TMEM132D: variants seen among roughly 807,000 people sequenced by gnomAD.
TMEM132D encodes mature OL transmembrane protein.
TMEM132D carries 21 observed loss-of-function variants against 62.3 expected under a neutral mutation model. That is an observed-to-expected ratio of 0.34 (90% CI 0.24 to 0.49). TMEM132D has a LOEUF of 0.49. TMEM132D is among the 20% of genes least tolerant of loss of function. The probability of loss-of-function intolerance (pLI) is 0.99; values close to 1 mark genes in which losing one functional copy is unlikely to be tolerated. For missense variants in TMEM132D, 1,346 were observed against 1,402.8 expected (o/e 0.96, Z 0.65); for synonymous variants, 621 against 575.6 (o/e 1.08, Z -1.13).
chr12:129,361,954 T>C (rs1285105243), intron 3 of TMEM132D, among the ~76,000 whole-genome samples: 1 of 152,200 alleles, frequency 6.6e-6, no homozygotes, highest in African/African-American at 2.4e-5. Flanking sequence ...TAGATTACTT[T>C]TTCAAAATCA....
At chr12:129,122,446 TTGC>T (rs1272145469) in intron 5 of TMEM132D, among the ~76,000 whole-genome samples, 2 of 152,192 alleles carry the variant, frequency 1.3e-5, no homozygotes, top group Admixed American at 6.5e-5. Context: ...ACCTGTGAAT[TTGC>T]TGCTAGACAC....
chr12:129,595,871 T>C (rs1415306470), intron 2 of TMEM132D, among the ~76,000 whole-genome samples: 2 of 152,214 alleles, frequency 1.3e-5, no homozygotes, highest in East Asian at 3.9e-4. Flanking sequence ...CCATATGAGC[T>C]AGAGAAATGC....
intron 3 of TMEM132D, among the ~76,000 whole-genome samples, chr12:129,406,363 G>C (rs1414387046): frequency 6.6e-6 from 1 of 152,230 alleles, no homozygotes; most frequent in African/African-American, 2.4e-5. Flanking sequence ...GCTTACGCCT[G>C]TAATCCCACC....
intron 5 of TMEM132D, among the ~76,000 whole-genome samples, chr12:129,195,036 A>T (rs546166492): frequency 6.6e-6 from 1 of 152,230 alleles, no homozygotes; most frequent in Non-Finnish European, 1.5e-5. Flanking sequence ...ACCCTTGTAG[A>T]GGTGGACAAT....
intron 2 of TMEM132D, among the ~76,000 whole-genome samples, chr12:129,636,737 T>TGTGTGTGTGTGTGTGTGAGA (rs375868329): frequency 4.6e-4 from 52 of 113,634 alleles, no homozygotes; most frequent in Admixed American, 9.9e-4. Context: ...TGTGTGTGTG[T>TGTGTGTGTGTGTGTGTGAGA]GAGAGAGAGA....
At chr12:129,437,656 C>T (rs1268907875) in intron 3 of TMEM132D, among the ~76,000 whole-genome samples, 1 of 152,020 alleles carries the variant, frequency 6.6e-6, no homozygotes, top group Non-Finnish European at 1.5e-5. Flanking sequence ...AGTACTAAAG[C>T]TAAACATCCC....
At chr12:129,568,931 G>A (rs552958234) in intron 2 of TMEM132D, among the ~76,000 whole-genome samples, 1 of 152,250 alleles carries the variant, frequency 6.6e-6, no homozygotes, top group Admixed American at 6.5e-5. Context: ...GCATCCATAA[G>A]AGTCACCTGG....
At chr12:129,575,581 C>T (rs866715544) in intron 2 of TMEM132D, among the ~76,000 whole-genome samples, 10 of 151,814 alleles carry the variant, frequency 6.6e-5, no homozygotes, top group South Asian at 2.1e-4. Context: ...TGCTAAAATC[C>T]GTAAATGCCA....
chr12:129,709,178 T>C lies in TMEM132D; in HGVS notation c.80-8480A>G, dbSNP rs575877053. ...CTCATATGGAACTCAAGAAGAATCA[T>C]GGTCGGGGTCAAATTTCTGGGAGAT... On this transcript the variant is annotated intron_variant, in intron 1 of 8. Coordinates refer to ENST00000422113, the MANE Select transcript of TMEM132D (RefSeq NM_133448.3). Among the ~76,000 whole-genome samples the C allele has an allele frequency of 5.3e-5, 8 of 152,282 alleles. No homozygotes were observed. The South Asian group carries it at 1.7e-3, about 32-fold the overall frequency.
chr12:129,528,024 T>C (rs1046659442), intron 3 of TMEM132D, among the ~76,000 whole-genome samples: 83 of 152,220 alleles, frequency 5.5e-4, no homozygotes, highest in African/African-American at 2.0e-3. Context: ...CCATGGCAAA[T>C]TATTAGCAAT....
chr12:129,321,763 G>T (rs1045243317), intron 4 of TMEM132D, among the ~76,000 whole-genome samples: 1 of 152,118 alleles, frequency 6.6e-6, no homozygotes, highest in Non-Finnish European at 1.5e-5. Context: ...GTTTCACCGT[G>T]TTAGCCAGGG....
At chr12:129,604,997 C>G (rs1878576633) in intron 2 of TMEM132D, among the ~76,000 whole-genome samples, 1 of 152,198 alleles carries the variant, frequency 6.6e-6, no homozygotes, top group Non-Finnish European at 1.5e-5. Context: ...TTAGTAATCT[C>G]TCAGTATGCT....
chr12:129,342,393 TC>T (rs1367698460), intron 3 of TMEM132D, among the ~76,000 whole-genome samples: 1 of 151,624 alleles, frequency 6.6e-6, no homozygotes, highest in Non-Finnish European at 1.5e-5. Flanking sequence ...TGAAACTGGA[TC>T]CCTTCCTTAC....
chr12:129,479,041 A>G (rs1566083047), intron 3 of TMEM132D, among the ~76,000 whole-genome samples: 1 of 152,208 alleles, frequency 6.6e-6, no homozygotes, highest in Non-Finnish European at 1.5e-5. Context: ...CTTCTAGTGC[A>G]TGATTTTGTA....
At chr12:129,502,259 A>G (rs893089505) in intron 3 of TMEM132D, among the ~76,000 whole-genome samples, 7 of 152,116 alleles carry the variant, frequency 4.6e-5, no homozygotes, top group African/African-American at 9.7e-5. Context: ...TCGGCCTCCC[A>G]AAGTGCTGGG....
intron 2 of TMEM132D, among the ~76,000 whole-genome samples, chr12:129,648,492 T>G (rs1302334181): frequency 6.6e-6 from 1 of 152,218 alleles, no homozygotes; most frequent in Admixed American, 6.5e-5. Flanking sequence ...TGCAATTCCC[T>G]TGTCTTCATA....
chr12:129,892,486 TTTC>T (rs1391249040), intron 1 of TMEM132D, among the ~76,000 whole-genome samples: 2 of 152,096 alleles, frequency 1.3e-5, no homozygotes, highest in African/African-American at 2.4e-5. Context: ...CCGAAGGATA[TTTC>T]TTCTTCTTTC....
intron 1 of TMEM132D, among the ~76,000 whole-genome samples, chr12:129,742,892 G>T (rs1019399833): frequency 2.0e-5 from 3 of 152,198 alleles, no homozygotes; most frequent in African/African-American, 7.2e-5. Context: ...TTGCCTTCTG[G>T]CTTCTAGAAT....
intron 3 of TMEM132D, among the ~76,000 whole-genome samples, chr12:129,496,894 G>A (rs1201343452): frequency 2.0e-5 from 3 of 152,148 alleles, no homozygotes; most frequent in Non-Finnish European, 4.4e-5. Flanking sequence ...ACACTGCTGG[G>A]TGATACCAAT....
Sources: allele counts gnomAD v4.1 joint callset (sites outside exome capture counted in the v4.1 genomes callset), GRCh38; gene constraint gnomAD v4.1.1; transcripts MANE v1.5; gene names NCBI Gene and HGNC (gene_info 2026-07-23, HGNC 2026-07-21).